Variants in ADGRE3 observed in about 807,000 individuals in gnomAD.
ADGRE3 encodes adhesion G protein-coupled receptor E3.
A neutral mutation model predicts 80.1 loss-of-function variants in ADGRE3; 88 were observed. The observed-to-expected ratio is 1.10, with a 90% CI of 0.93 to 1.31. ADGRE3 has a LOEUF of 1.31. Ranked by LOEUF, ADGRE3 falls within the 40% of genes most tolerant of loss-of-function variation. ADGRE3 has a pLI of 0.00. For missense variants in ADGRE3, 715 were observed against 776.5 expected (o/e 0.92, Z 0.94); for synonymous variants, 281 against 294.8 (o/e 0.95, Z 0.48).
downstream of ADGRE3, among the ~76,000 whole-genome samples, chr19:14,618,259 C>G (rs2075094617): frequency 1.3e-5 from 2 of 151,768 alleles, no homozygotes; most frequent in Non-Finnish European, 2.9e-5. Flanking sequence ...GGTGAGAACA[C>G]TTAAAATCTC....
At chr19:14,643,136 T>A (rs1395539008) in intron 9 of ADGRE3, among the ~76,000 whole-genome samples, 1 of 143,362 alleles carries the variant, frequency 7.0e-6, no homozygotes, top group South Asian at 2.2e-4. Flanking sequence ...TGGTTTATAG[T>A]AATCATGGTT....
chr19:14,674,701 C>G, intron 1 of ADGRE3, 45 bp downstream of exon 1: 1 of 1,601,112 alleles, frequency 6.2e-7, no homozygotes, highest in African/African-American at 1.3e-5. Flanking sequence ...TGGTCCCTGA[C>G]TGGGGGATAG....
intron 4 of ADGRE3, among the ~76,000 whole-genome samples, chr19:14,660,763 A>G (rs1971925536): frequency 6.6e-6 from 1 of 151,988 alleles, no homozygotes; most frequent in Non-Finnish European, 1.5e-5. Context: ...TACATGACAC[A>G]GTATCTCTCC....
rs141371829 is a variant in ADGRE3 at position 14,644,190 on chromosome 19, A to G, written c.968T>C (p.Leu323Pro). The G allele has an allele frequency of 3.1e-3, 4,968 of 1,609,330 alleles. 11 individuals carry two copies. The highest frequency in any genetic ancestry group is 3.6e-3 in the Non-Finnish European group (4,218 of 1,177,908). Reference sequence around the variant, plus strand: ...GGTGTGACTCTTGTTCACGTGTATCAGGAAGCAGCCATCCCTGGACCACTG... The same window carrying G: ...GGTGTGACTCTTGTTCACGTGTATCGGGAAGCAGCCATCCCTGGACCACTG... ...GSQWSRDGCF[L>P]IHVNKSHTMC... The change falls in exon 9 of 16, where the codon CTG (leucine) becomes CCG (proline). Residue 323 changes from leucine to proline, a missense_variant. By Grantham distance (98) the Leu-to-Pro change is moderately conservative. Transcript: ENST00000253673.
At chr19:14,629,082 G>T (rs531015720) in intron 14 of ADGRE3, among the ~76,000 whole-genome samples, 2 of 151,760 alleles carry the variant, frequency 1.3e-5, no homozygotes, top group Non-Finnish European at 2.9e-5. Context: ...CATCATACCC[G>T]GGTAATTGTT....
At position 14,630,023 on chromosome 19, in the gene ADGRE3, A is replaced by G. The variant is rs1246545086; in HGVS notation, c.1812+16T>C. On this transcript the variant is annotated intron_variant, in intron 14 of 15. Transcript: ENST00000253673. ...TTTCTTAAGTTTAAATAACAAAGAA[A>G]GGGGTCAGTGTTTACCTGCTGGCTG... 6.5e-7 allele frequency: 1 copy of G among 1,543,220 alleles called. No individual in the cohort carries two copies. Among genetic ancestry groups the G allele is most frequent in the Non-Finnish European group, 8.7e-7 (1 of 1,143,220 alleles).
chr19:14,658,140 G>A (rs576478173), intron 5 of ADGRE3, among the ~76,000 whole-genome samples: 2 of 152,126 alleles, frequency 1.3e-5, no homozygotes, highest in South Asian at 2.1e-4. Flanking sequence ...GTTCAAATGT[G>A]TGTTGTTCAA....
At chr19:14,641,142 C>A (rs142375072) in intron 10 of ADGRE3, among the ~76,000 whole-genome samples, 1 of 152,138 alleles carries the variant, frequency 6.6e-6, no homozygotes, top group African/African-American at 2.4e-5. Flanking sequence ...AAAACGCTGT[C>A]GTTCTAAACT....
chr19:14,672,552 C>A (rs970066371), intron 1 of ADGRE3, among the ~76,000 whole-genome samples: 9 of 152,184 alleles, frequency 5.9e-5, no homozygotes, highest in East Asian at 5.8e-4. Context: ...CCTCTGTCAC[C>A]ATCTGACTTC....
rs1415988959 is a variant in ADGRE3, at chr19:14,620,537, T to TATATATATATATAATATA, written c.1921-1067_1921-1066insTATATTATATATATATAT. Among the ~76,000 whole-genome samples the TATATATATATATAATATA allele has an allele frequency of 6.5e-4, 12 of 18,448 alleles. 2 individuals carry two copies. The highest frequency in any genetic ancestry group is 3.7e-3 in the African/African-American group (12 of 3,270). 12.1% of individuals were successfully genotyped at this position (18,448 alleles called of 152,430 possible). A position where few individuals can be genotyped will look rare whatever the true frequency, so the allele number is the denominator to read the frequency against. On this transcript the variant is annotated intron_variant, in intron 15 of 15. Transcript: ENST00000253673. ...ATGACTATATATGAATATATATATT[T>TATATATATATATAATATA]TATATATATATTATATATATATATA...
Position 14,662,071 on chromosome 19 carries a change from C to A in ADGRE3, c.247G>T (p.Ala83Ser), listed in dbSNP as rs763019388. ...CTTCCTTCGACATTGTAACACACAG[C>A]GTTAAATCCACAATATACACTATAG... ...PPYSVYCGFN[A>S]VCYNVEGSFY... The change falls in exon 4 of 16, where the codon GCT becomes TCT. Residue 83 changes from alanine (A) to serine (S), a missense_variant. Coordinates refer to ENST00000253673, the MANE Select transcript of ADGRE3 (RefSeq NM_032571.5). 1 of 1,614,098 alleles carries A rather than the reference C, an allele frequency of 6.2e-7. No homozygotes were observed. The highest frequency in any genetic ancestry group is 1.7e-5 in the Admixed American group (1 of 60,022).
chr19:14,632,292 G>T (rs1970906559), intron 13 of ADGRE3, among the ~76,000 whole-genome samples: 2 of 152,244 alleles, frequency 1.3e-5, no homozygotes, highest in South Asian at 4.1e-4. Flanking sequence ...TAGCAAATTT[G>T]AGTTGGTTGC....
intron 1 of ADGRE3, among the ~76,000 whole-genome samples, chr19:14,670,779 G>A (rs1416027891): frequency 6.6e-6 from 1 of 152,218 alleles, no homozygotes; most frequent in African/African-American, 2.4e-5. Flanking sequence ...TAAGTAACTT[G>A]CTCCATTCAC....
the ADGRE3 span, among the ~76,000 whole-genome samples, chr19:14,608,927 G>A: frequency 6.6e-6 from 1 of 151,668 alleles, no homozygotes; most frequent in Non-Finnish European, 1.5e-5. Flanking sequence ...AGTCTCCCAA[G>A]TAGCTGGGAT....
At chr19:14,647,113 G>T in intron 8 of ADGRE3, 68 bp downstream of exon 8, 1 of 1,310,572 alleles carries the variant, frequency 7.6e-7, no homozygotes, top group Non-Finnish European at 1.1e-6. Context: ...CACAGCCTGG[G>T]ATGATACACA....
intron 7 of ADGRE3, among the ~76,000 whole-genome samples, chr19:14,650,629 ATCTC>A (rs376333448): frequency 0.061 from 1,415 of 23,278 alleles, 15 homozygotes; most frequent in Middle Eastern, 0.083. Flanking sequence ...CTCTGTCTCC[ATCTC>A]TCTCTCTCTC....
Position 14,641,352 on chromosome 19 carries a change from C to A in ADGRE3, c.1248+67G>T, listed in dbSNP as rs1056366880. On this transcript the variant is annotated intron_variant, in intron 10 of 15. Coordinates refer to ENST00000253673, the MANE Select transcript of ADGRE3 (RefSeq NM_032571.5). The stretch of plus-strand genomic sequence containing the variant: ...GGACATTTTATTAAGGAATCTAGTG[C>A]AGCATTGCTCCATGAGCTCAGTGTA... The A allele has an allele frequency of 1.9e-6, 3 of 1,580,970 alleles. No individual in the cohort carries two copies. In the African/African-American group the frequency reaches 4.0e-5, roughly 21 times the overall value.
In ADGRE3 at chr19:14,658,773, T is replaced by C. The variant is rs563960367; in HGVS notation, c.356-223A>G. 2.0e-5 allele frequency among the ~76,000 whole-genome samples: 3 copies of C among 152,226 alleles called. No individual in the cohort carries two copies. The East Asian group carries it at 5.8e-4, about 29-fold the overall frequency. On this transcript the variant is annotated intron_variant, in intron 4 of 15. Coordinates refer to ENST00000253673, the MANE Select transcript of ADGRE3 (RefSeq NM_032571.5). ...ATTTTGAGACAGAGTCTCACTCTGT[T>C]GCCCAGGCTGGAGTGCAATGGTGCG...
At chr19:14,670,857 C>G (rs138029041) in intron 1 of ADGRE3, among the ~76,000 whole-genome samples, 2 of 152,346 alleles carry the variant, frequency 1.3e-5, no homozygotes, top group East Asian at 1.9e-4. Context: ...ACCCATTACA[C>G]CACATAGCCT....
Sources: gnomAD v4.1 joint callset for allele counts (sites outside exome capture counted in the v4.1 genomes callset) on GRCh38, gnomAD v4.1.1 for gene constraint, MANE v1.5 for transcripts, NCBI Gene and HGNC (gene_info 2026-07-23, HGNC 2026-07-21) for gene names.